XPNPEP3: variants seen among roughly 807,000 people sequenced by gnomAD.
XPNPEP3 encodes the protein X-prolyl aminopeptidase 3, also known as xaa-Pro aminopeptidase 3.
A neutral mutation model predicts 60.0 loss-of-function variants in XPNPEP3; 41 were observed. That is an observed-to-expected ratio of 0.68 (90% CI 0.53 to 0.89). XPNPEP3 has a LOEUF of 0.89. Among genes scored for constraint, XPNPEP3 ranks in the 40% least tolerant of loss-of-function variants. The pLI, the probability that XPNPEP3 is intolerant of heterozygous loss-of-function variation, is 0.00. For missense variants in XPNPEP3, 598 were observed against 638.9 expected (o/e 0.94, Z 0.69); for synonymous variants, 212 against 223.2 (o/e 0.95, Z 0.45).
In XPNPEP3 at chr22:40,886,518, A is replaced by G; in HGVS notation, c.792+3A>G. 3 of 1,613,508 alleles carry G rather than the reference A, an allele frequency of 1.9e-6. No individual in the cohort carries two copies. Among genetic ancestry groups the G allele is most frequent in the Non-Finnish European group, 2.5e-6 (3 of 1,179,916 alleles). ...TTGCTGGGAAGCTGACATCACAGGT[A>G]TGATTCCTATTGAAAAGTTTTTTCC... On this transcript the variant is annotated splice_donor_region_variant and intron_variant, in intron 4 of 9. Coordinates refer to ENST00000357137, the MANE Select transcript of XPNPEP3 (RefSeq NM_022098.4).
At position 40,907,587 on chromosome 22, in the gene XPNPEP3, G is replaced by A; in HGVS notation, c.793G>A (p.Ala265Thr). The change falls in exon 5 of 10, where the codon GCT becomes ACT. Residue 265 changes from alanine to threonine, a missense_variant and splice_region_variant. By Grantham distance (58) the Ala-to-Thr change is moderately conservative (BLOSUM62 0). Transcript: ENST00000357137. ...MQIAGKLTSQ[A>T]FIETMFTSKA... ...TTTTCATCCTCCTTTCTCTTTGCAG[G>A]CTTTCATAGAAACCATGTTCACCAG... 6.2e-7 allele frequency: 1 copy of A among 1,613,782 alleles called. No homozygotes were observed. Among genetic ancestry groups the A allele is most frequent in the Non-Finnish European group, 8.5e-7 (1 of 1,179,762 alleles).
intron 1 of XPNPEP3, among the ~76,000 whole-genome samples, chr22:40,857,895 G>A (rs2057912369): frequency 1.3e-5 from 2 of 152,230 alleles, no homozygotes; most frequent in South Asian, 2.1e-4. Context: ...GTGTGAACCA[G>A]AACGTATGGT....
At chr22:40,869,929 A>G (rs1204799457) in intron 2 of XPNPEP3, 2 of 420,084 alleles carry the variant, frequency 4.8e-6, no homozygotes, top group Non-Finnish European at 9.7e-6. Context: ...CCATATAAGC[A>G]TATATATTAC....
chr22:40,880,907 A>G (rs2058045133), intron 2 of XPNPEP3, among the ~76,000 whole-genome samples: 1 of 152,112 alleles, frequency 6.6e-6, no homozygotes, highest in Non-Finnish European at 1.5e-5. Context: ...AGGAGTTGCC[A>G]GGGGCTGGAG....
chr22:40,926,560 C>A lies in XPNPEP3; in HGVS notation c.*125C>A. ...TGCATTCCATTTGGGAGCATAGCAG[C>A]TGTGTGAATGTATGTAATTGTGTGT... On this transcript the variant is annotated 3_prime_UTR_variant, in exon 10 of 10. Transcript: ENST00000357137. 8.2e-7 allele frequency: 1 copy of A among 1,223,498 alleles called. No individual in the cohort carries two copies. Among genetic ancestry groups the A allele is most frequent in the Non-Finnish European group, 1.2e-6 (1 of 833,806 alleles). The allele number at this position is 1,223,498 out of a possible 1,614,324, so 75.8% of individuals were successfully genotyped here.
chr22:40,923,554 C>T (rs966770871), intron 8 of XPNPEP3, among the ~76,000 whole-genome samples: 10 of 151,864 alleles, frequency 6.6e-5, no homozygotes, highest in African/African-American at 2.2e-4. Context: ...AACTAACTGA[C>T]GGAAATATCC....
Position 40,928,917 on chromosome 22 carries a change from A to T in XPNPEP3, c.*2482A>T, listed in dbSNP as rs1386635582. On this transcript the variant is annotated 3_prime_UTR_variant, in exon 10 of 10. Transcript: ENST00000357137. ...ATATCCTGACAGTGCTAGCCTAGGAATGCCTGGCTTTGCGCACCTTATCTA... is the reference window on the plus strand; with the variant it reads ...ATATCCTGACAGTGCTAGCCTAGGATTGCCTGGCTTTGCGCACCTTATCTA... 1 of 152,184 alleles carries T rather than the reference A, an allele frequency of 6.6e-6. No homozygotes were observed. The highest frequency in any genetic ancestry group is 1.5e-5 in the Non-Finnish European group (1 of 68,042). 9.4% of individuals were successfully genotyped at this position (152,184 alleles called of 1,614,324 possible).
Position 40,928,257 on chromosome 22 carries a change from A to AGTG in XPNPEP3, c.*1823_*1825dup, listed in dbSNP as rs1230556817. Reference sequence around the variant, plus strand: ...TCGCTCTGTCGCCTGGGCTGGATGGAGTGCAGTGGCGTAATCTCAGCTCAC... The same window carrying AGTG: ...TCGCTCTGTCGCCTGGGCTGGATGGAGTGGTGCAGTGGCGTAATCTCAGCTCAC... On this transcript the variant is annotated 3_prime_UTR_variant, in exon 10 of 10. Transcript: ENST00000357137. 1 of 132,632 alleles carries AGTG rather than the reference A, an allele frequency of 7.5e-6. No individual in the cohort carries two copies. The highest frequency in any genetic ancestry group is 8.7e-5 in the Admixed American group (1 of 11,456). 8.2% of individuals were successfully genotyped at this position (132,632 alleles called of 1,614,324 possible).
chr22:40,871,196 C>G (rs1220469416), intron 2 of XPNPEP3, among the ~76,000 whole-genome samples: 2 of 151,974 alleles, frequency 1.3e-5, no homozygotes, highest in African/African-American at 4.8e-5. Flanking sequence ...GACCCTGTCT[C>G]TATAAGAAAT....
chr22:40,879,266 ACT>A (rs1435179577), intron 2 of XPNPEP3, among the ~76,000 whole-genome samples: 1 of 151,818 alleles, frequency 6.6e-6, no homozygotes, highest in African/African-American at 2.4e-5. Context: ...TCCACTTATC[ACT>A]CTCTCTTATT....
At chr22:40,889,918 A>T (rs2058082572) in intron 4 of XPNPEP3, among the ~76,000 whole-genome samples, 1 of 152,200 alleles carries the variant, frequency 6.6e-6, no homozygotes. Context: ...ATCCAATTAC[A>T]CTTTCTTGTG....
At position 40,909,041 on chromosome 22, in the gene XPNPEP3, A is replaced by T. The variant is rs932905843; in HGVS notation, c.856-81A>T. On this transcript the variant is annotated intron_variant, in intron 5 of 9. Transcript: ENST00000357137. Reference sequence around the variant, plus strand: ...TGACTTAAGATAAGTACTGGTATGGAGGTATGGGCTGTTGAAGAGAGCTTG... The same window carrying T: ...TGACTTAAGATAAGTACTGGTATGGTGGTATGGGCTGTTGAAGAGAGCTTG... 5 of 1,034,754 alleles carry T rather than the reference A, an allele frequency of 4.8e-6. No homozygotes were observed. In the African/African-American group the frequency reaches 7.8e-5, roughly 16 times the overall value. The allele number at this position is 1,034,754 out of a possible 1,614,324, so 64.1% of individuals were successfully genotyped here. A position where few individuals can be genotyped will look rare whatever the true frequency, so the allele number is the denominator to read the frequency against.
rs570159434 is a variant in XPNPEP3, at chr22:40,921,038, C to T, written c.1056-1295C>T. 2.2e-4 allele frequency among the ~76,000 whole-genome samples: 34 copies of T among 152,260 alleles called. No individual in the cohort carries two copies. In the South Asian group the frequency reaches 7.1e-3, roughly 32 times the overall value. ...AACTCCCGACCTCAGGTGATCCACCCGCCTCGGCCTCCCAAAGTGTTGGGA... is the reference window on the plus strand; with the variant it reads ...AACTCCCGACCTCAGGTGATCCACCTGCCTCGGCCTCCCAAAGTGTTGGGA... On this transcript the variant is annotated intron_variant, in intron 7 of 9. Transcript: ENST00000357137.
intron 4 of XPNPEP3, among the ~76,000 whole-genome samples, chr22:40,896,006 TG>T (rs2058106286): frequency 6.6e-6 from 1 of 152,216 alleles, no homozygotes; most frequent in South Asian, 2.1e-4. Flanking sequence ...CTTACCATGC[TG>T]ATATTAAAAC....
intron 4 of XPNPEP3, among the ~76,000 whole-genome samples, chr22:40,896,813 C>T (rs1316115186): frequency 6.6e-6 from 1 of 152,088 alleles, no homozygotes; most frequent in Non-Finnish European, 1.5e-5. Context: ...TCCCATTCTT[C>T]CCTCCTCCCA....
chr22:40,886,195 T>A (rs191279815), intron 3 of XPNPEP3, 118 bp from the exon 4 acceptor site: 2 of 989,616 alleles, frequency 2.0e-6, no homozygotes, highest in Admixed American at 1.8e-5. Flanking sequence ...CTCAACACTT[T>A]AGAGTTCCAC....
intron 4 of XPNPEP3, among the ~76,000 whole-genome samples, chr22:40,886,848 A>G (rs1342415145): frequency 6.6e-6 from 1 of 151,290 alleles, no homozygotes; most frequent in Non-Finnish European, 1.5e-5. Context: ...AAAAAACAAG[A>G]AAAAAAGAAA....
intron 4 of XPNPEP3, among the ~76,000 whole-genome samples, chr22:40,894,822 T>C (rs1032687337): frequency 6.6e-5 from 10 of 152,162 alleles, no homozygotes; most frequent in African/African-American, 2.4e-4. Flanking sequence ...AGAATTTTCA[T>C]AGAGATTTCC....
At chr22:40,892,603 C>T (rs536323694) in intron 4 of XPNPEP3, among the ~76,000 whole-genome samples, 2 of 152,310 alleles carry the variant, frequency 1.3e-5, no homozygotes, top group South Asian at 4.1e-4. Context: ...GGGAACATGA[C>T]ATGTTGTCGC....
Sources: gnomAD v4.1 joint callset for allele counts (sites outside exome capture counted in the v4.1 genomes callset) on GRCh38, gnomAD v4.1.1 for gene constraint, MANE v1.5 for transcripts, NCBI Gene and HGNC (gene_info 2026-07-23, HGNC 2026-07-21) for gene names.